Variants in C11orf65 observed in about 807,000 individuals in gnomAD.
C11orf65 encodes chromosome 11 open reading frame 65.
Under a neutral mutation model 35.3 loss-of-function variants are expected in C11orf65, and 38 were observed. The observed-to-expected ratio is 1.08, with a 90% CI of 0.83 to 1.41. C11orf65 has a LOEUF of 1.41. Ranked by LOEUF, C11orf65 falls within the 40% of genes most tolerant of loss-of-function variation. C11orf65 has a pLI of 0.00. For missense variants in C11orf65, 370 were observed against 367.1 expected, an observed-to-expected ratio of 1.01 and a Z score of -0.06; for synonymous variants, 105 against 114.4, an observed-to-expected ratio of 0.92 and a Z score of 0.53.
intron 3 of C11orf65, among the ~76,000 whole-genome samples, chr11:108,422,472 T>C (rs926004566): frequency 9.9e-5 from 15 of 152,156 alleles, no homozygotes; most frequent in Admixed American, 9.2e-4. Context: ...AACAGACCAA[T>C]ACATAAATGG....
intron 3 of C11orf65, among the ~76,000 whole-genome samples, chr11:108,424,221 G>GGAGCT (rs1377077251): frequency 1.3e-5 from 2 of 152,228 alleles, no homozygotes; most frequent in Non-Finnish European, 2.9e-5. Context: ...ATGACCTGAT[G>GGAGCT]GAGCTGAAAA....
intron 2 of C11orf65, among the ~76,000 whole-genome samples, chr11:108,363,563 T>TG: frequency 6.6e-6 from 1 of 152,184 alleles, no homozygotes; most frequent in Non-Finnish European, 1.5e-5. Flanking sequence ...GAGGATAGTA[T>TG]TGGCATCTAC....
chr11:108,407,913 CAG>C (rs1015541984), intron 3 of C11orf65, among the ~76,000 whole-genome samples: 1 of 101,284 alleles, frequency 9.9e-6, no homozygotes, highest in Admixed American at 1.6e-4. Flanking sequence ...GCCTGGGCGA[CAG>C]AGCAAGACTC....
rs1257694699 is a variant in C11orf65 at position 108,308,985 on chromosome 11, G to C, written c.727C>G (p.Leu243Val). ...TCATTTCAGACTTACCATTGGGGTA[G>C]AATGGTGTTGACATTAGCAGGAGTT... The change falls in exon 7 of 7, where the codon CTA becomes GTA. Residue 243 changes from leucine to valine, a missense_variant. By Grantham distance (32) the Leu-to-Val change is conservative. Coordinates refer to the C11orf65 transcript ENST00000525729. 5 of 1,518,606 alleles carry C rather than the reference G, an allele frequency of 3.3e-6. No individual in the cohort carries two copies. The South Asian group carries it at 6.0e-5, about 18-fold the overall frequency. The allele number at this position is 1,518,606 out of a possible 1,614,324, so 94.1% of individuals were successfully genotyped here. A position where few individuals can be genotyped will look rare whatever the true frequency, so the allele number is the denominator to read the frequency against.
chr11:108,325,919 CAGAG>C (rs2085630035), intron 6 of C11orf65: 2 of 1,037,958 alleles, frequency 1.9e-6, no homozygotes, highest in South Asian at 1.4e-5. Context: ...GTCATGCAGA[CAGAG>C]AGGTCCTTAA....
intron 6 of C11orf65, among the ~76,000 whole-genome samples, chr11:108,320,502 C>T (rs983855711): frequency 6.6e-6 from 1 of 152,106 alleles, no homozygotes. Context: ...CTTAATAAAT[C>T]CTATGTTTAT....
rs2089487400 is a variant in C11orf65, at chr11:108,353,749, T to G, written c.227-18457A>C. On this transcript the variant is annotated intron_variant, in intron 2 of 3. Transcript: ENST00000524755. Reference sequence around the variant, plus strand: ...TAGCTGTCAAACCTCCTAACTTCACTGTATTCTTTACTTTAGGTGTTGCTT... The same window carrying G: ...TAGCTGTCAAACCTCCTAACTTCACGGTATTCTTTACTTTAGGTGTTGCTT... 1 of 1,572,438 alleles carries G rather than the reference T, an allele frequency of 6.4e-7. No homozygotes were observed. The highest frequency in any genetic ancestry group is 8.8e-7 in the Non-Finnish European group (1 of 1,142,108).
intron 6 of C11orf65, among the ~76,000 whole-genome samples, chr11:108,404,656 C>T (rs1454321967): frequency 6.6e-6 from 1 of 150,488 alleles, no homozygotes; most frequent in Non-Finnish European, 1.5e-5. Context: ...GTCTCAATCT[C>T]CCGATCTCGT....
chr11:108,368,373 GTAGT>G (rs974245461), intron 2 of C11orf65: 2 of 211,338 alleles, frequency 9.5e-6, no homozygotes, highest in Non-Finnish European at 1.9e-5. Flanking sequence ...CAAATGAGGA[GTAGT>G]TAGATTTTGA....
At chr11:108,339,751 C>CAG (rs2087295787) in intron 2 of C11orf65, among the ~76,000 whole-genome samples, 1 of 152,072 alleles carries the variant, frequency 6.6e-6, no homozygotes, top group Non-Finnish European at 1.5e-5. Flanking sequence ...CTCCCCGCCC[C>CAG]AGAGCTAGAT....
intron 2 of C11orf65, among the ~76,000 whole-genome samples, chr11:108,361,301 TACAA>T (rs1446799909): frequency 7.5e-6 from 1 of 133,824 alleles, no homozygotes; most frequent in Non-Finnish European, 1.6e-5. Flanking sequence ...TAAAAGAGGA[TACAA>T]ACAAATGGAA....
intron 3 of C11orf65, among the ~76,000 whole-genome samples, chr11:108,417,357 A>T (rs894150234): frequency 1.3e-5 from 2 of 152,160 alleles, no homozygotes; most frequent in Non-Finnish European, 1.5e-5. Flanking sequence ...AGCCTGGGCA[A>T]CATGGCAAAA....
At chr11:108,417,381 A>G (rs566938557) in intron 3 of C11orf65, among the ~76,000 whole-genome samples, 4 of 152,066 alleles carry the variant, frequency 2.6e-5, no homozygotes, top group Non-Finnish European at 5.9e-5. Context: ...CATCTCTACT[A>G]AAAATACAAA....
intron 3 of C11orf65, among the ~76,000 whole-genome samples, chr11:108,422,970 C>T (rs548908325): frequency 6.6e-6 from 1 of 151,774 alleles, no homozygotes; most frequent in Non-Finnish European, 1.5e-5. Flanking sequence ...AAATGCAAAT[C>T]AATAAATCTT....
chr11:108,331,771 C>A, intron 3 of C11orf65: 1 of 1,362,056 alleles, frequency 7.3e-7, no homozygotes, highest in Non-Finnish European at 1.0e-6. Context: ...ACGCTCTACC[C>A]ACTGCAGTAT....
chr11:108,437,627 C>T (rs1308146801), intron 2 of C11orf65, among the ~76,000 whole-genome samples: 6 of 137,926 alleles, frequency 4.4e-5, no homozygotes. Context: ...TCGCTTGAAT[C>T]CGGGAGGCAG....
At chr11:108,344,263 G>T (rs2087995595) in intron 2 of C11orf65, among the ~76,000 whole-genome samples, 1 of 152,196 alleles carries the variant, frequency 6.6e-6, no homozygotes, top group Non-Finnish European at 1.5e-5. Context: ...AGAATAGACA[G>T]AAGTAGATCC....
At chr11:108,432,570 C>G (rs1183150098) in intron 2 of C11orf65, among the ~76,000 whole-genome samples, 1 of 152,164 alleles carries the variant, frequency 6.6e-6, no homozygotes, top group East Asian at 1.9e-4. Flanking sequence ...GTAACTCTCC[C>G]CTCAAGCCCC....
intron 2 of C11orf65, among the ~76,000 whole-genome samples, chr11:108,336,615 A>G (rs1016995124): frequency 6.6e-6 from 1 of 152,222 alleles, no homozygotes; most frequent in East Asian, 1.9e-4. Flanking sequence ...ACAACGCTGT[A>G]TTGTAGTGAA....
Sources: allele counts gnomAD v4.1 joint callset (sites outside exome capture counted in the v4.1 genomes callset), GRCh38; gene constraint gnomAD v4.1.1; transcripts MANE v1.5; gene names NCBI Gene and HGNC (gene_info 2026-07-23, HGNC 2026-07-21).